CACNB2: variants seen among roughly 807,000 people sequenced by gnomAD.
CACNB2 encodes the protein voltage-dependent L-type calcium channel subunit beta-2.
CACNB2 carries 42 observed loss-of-function variants against 73.3 expected under a neutral mutation model. The observed-to-expected ratio is 0.57, with a 90% CI of 0.45 to 0.74. CACNB2 has a LOEUF of 0.74. Among genes scored for constraint, CACNB2 ranks in the 30% least tolerant of loss-of-function variants. The pLI is 0.00. For synonymous variants in CACNB2, 348 were observed against 310.3 expected, an observed-to-expected ratio of 1.12 and a Z score of -1.28; for missense variants, 940 against 853.0, an observed-to-expected ratio of 1.10 and a Z score of -1.27.
intron 2 of CACNB2, among the ~76,000 whole-genome samples, chr10:18,237,942 A>G (rs903221639): frequency 6.6e-6 from 1 of 152,246 alleles, no homozygotes; most frequent in Middle Eastern, 3.4e-3. Flanking sequence ...TTCATGGCTG[A>G]AGGATTGTAA....
chr10:18,275,423 G>C (rs1225751149), intron 2 of CACNB2, among the ~76,000 whole-genome samples: 1 of 152,146 alleles, frequency 6.6e-6, no homozygotes, highest in East Asian at 1.9e-4. Flanking sequence ...TTGAATATCA[G>C]CTTCTAGGAG....
chr10:18,449,161 G>A (rs770724225), intron 3 of CACNB2, among the ~76,000 whole-genome samples: 1 of 152,132 alleles, frequency 6.6e-6, no homozygotes, highest in Non-Finnish European at 1.5e-5. Flanking sequence ...GAGGCGGGTG[G>A]ATCACGAGGT....
intron 3 of CACNB2, among the ~76,000 whole-genome samples, chr10:18,496,488 C>T (rs1462624023): frequency 6.6e-6 from 1 of 152,154 alleles, no homozygotes; most frequent in African/African-American, 2.4e-5. Flanking sequence ...AAACTGCTCC[C>T]TTCTCCTGAG....
intron 2 of CACNB2, among the ~76,000 whole-genome samples, chr10:18,171,283 A>G (rs902520702): frequency 4.6e-5 from 7 of 152,118 alleles, no homozygotes; most frequent in African/African-American, 4.8e-5. Context: ...ATAAGTTAGG[A>G]TATTTTGGTT....
intron 3 of CACNB2, among the ~76,000 whole-genome samples, chr10:18,408,231 C>CTTTTTTTTTTTTTTT (rs71402161): frequency 1.3e-5 from 1 of 77,952 alleles, no homozygotes; most frequent in African/African-American, 5.2e-5. Flanking sequence ...CTATCCCTGA[C>CTTTTTTTTTTTTTTT]TTTTTTTTTT....
intron 2 of CACNB2, among the ~76,000 whole-genome samples, chr10:18,179,562 T>A (rs1274788545): frequency 6.6e-6 from 1 of 152,154 alleles, no homozygotes; most frequent in Admixed American, 6.5e-5. Flanking sequence ...TTTCATTAAA[T>A]TTTTTAGGAT....
intron 6 of CACNB2, chr10:18,513,233 CATT>C (rs2050948032): frequency 6.5e-6 from 1 of 154,728 alleles, no homozygotes; most frequent in South Asian, 2.0e-4. Flanking sequence ...AGAAATGGTT[CATT>C]GTTGTTGCAC....
intron 2 of CACNB2, among the ~76,000 whole-genome samples, chr10:18,291,293 C>A (rs1436036448): frequency 3.9e-5 from 6 of 152,132 alleles, no homozygotes; most frequent in Non-Finnish European, 8.8e-5. Context: ...CATTATTTTT[C>A]TTATTAGTAA....
chr10:18,425,598 G>A (rs1448136808), intron 3 of CACNB2, among the ~76,000 whole-genome samples: 1 of 151,998 alleles, frequency 6.6e-6, no homozygotes, highest in Admixed American at 6.6e-5. Flanking sequence ...AGCCCAGGAG[G>A]TCAAGGCTGC....
intron 2 of CACNB2, among the ~76,000 whole-genome samples, chr10:18,202,937 A>C (rs1042434631): frequency 3.3e-5 from 5 of 152,320 alleles, no homozygotes; most frequent in African/African-American, 1.2e-4. Flanking sequence ...GTTGTTAAGC[A>C]AGACTGGATT....
At chr10:18,294,375 G>C (rs2039191213) in intron 2 of CACNB2, among the ~76,000 whole-genome samples, 2 of 152,160 alleles carry the variant, frequency 1.3e-5, no homozygotes, top group African/African-American at 4.8e-5. Context: ...GATCATCCTG[G>C]TACAAGGGTT....
At position 18,460,593 on chromosome 10, in the gene CACNB2, A is replaced by C. The variant is rs559096459; in HGVS notation, c.334-37762A>C. On this transcript the variant is annotated intron_variant, in intron 3 of 13. Transcript: ENST00000324631. ...CTTTGAAACCCTCCCATTTAAAAAA[A>C]TAAATAAAGGATTCTGGTTGGGCAT... 2.0e-5 allele frequency among the ~76,000 whole-genome samples: 3 copies of C among 152,266 alleles called. No homozygotes were observed. In the South Asian group the frequency reaches 6.2e-4, roughly 32 times the overall value.
chr10:18,526,989 C>T (rs1001842063), intron 9 of CACNB2, among the ~76,000 whole-genome samples: 3 of 152,116 alleles, frequency 2.0e-5, no homozygotes, highest in African/African-American at 7.2e-5. Context: ...TAATAGTAAA[C>T]GTTTCTCCTA....
At chr10:18,304,753 A>G (rs1040727522) in intron 2 of CACNB2, among the ~76,000 whole-genome samples, 1 of 152,344 alleles carries the variant, frequency 6.6e-6, no homozygotes, top group Admixed American at 6.5e-5. Flanking sequence ...GCTCGATGCT[A>G]TTAGGAGTTT....
intron 2 of CACNB2, among the ~76,000 whole-genome samples, chr10:18,348,834 C>T (rs112361257): frequency 0.039 from 5,933 of 152,228 alleles, 194 homozygotes; most frequent in African/African-American, 0.09. Context: ...GACCTCAGAA[C>T]TAGGCCAGGC....
chr10:18,274,343 A>G (rs1013664124), intron 2 of CACNB2, among the ~76,000 whole-genome samples: 3 of 152,230 alleles, frequency 2.0e-5, no homozygotes, highest in South Asian at 2.1e-4. Context: ...TTTATCTGAA[A>G]GAACACTGCA....
chr10:18,372,927 T>C (rs916407899), intron 2 of CACNB2, among the ~76,000 whole-genome samples: 9 of 152,202 alleles, frequency 5.9e-5, no homozygotes, highest in Non-Finnish European at 1.2e-4. Context: ...TTGTCCACTT[T>C]CTCAGTTGAG....
intron 2 of CACNB2, among the ~76,000 whole-genome samples, chr10:18,211,333 A>G (rs1266131449): frequency 6.6e-6 from 1 of 152,172 alleles, no homozygotes; most frequent in Non-Finnish European, 1.5e-5. Flanking sequence ...ATAATTCCCC[A>G]TTCTTTATTT....
At chr10:18,339,907 C>G (rs913546542) in intron 2 of CACNB2, among the ~76,000 whole-genome samples, 1 of 152,140 alleles carries the variant, frequency 6.6e-6, no homozygotes, top group African/African-American at 2.4e-5. Context: ...AGCTTGCCAT[C>G]CCCTTCTTGA....
Sources: gnomAD v4.1 joint callset for allele counts (sites outside exome capture counted in the v4.1 genomes callset) on GRCh38, gnomAD v4.1.1 for gene constraint, MANE v1.5 for transcripts, NCBI Gene and HGNC (gene_info 2026-07-23, HGNC 2026-07-21) for gene names.